CNTN5: variants seen among roughly 807,000 people sequenced by gnomAD.
The protein encoded by CNTN5 is contactin-5.
Under a neutral mutation model 129.1 loss-of-function variants are expected in CNTN5, and 77 were observed. That is an observed-to-expected ratio of 0.60 (90% CI 0.50 to 0.72). CNTN5 has a LOEUF of 0.72. Ranked by LOEUF, CNTN5 falls within the 30% of genes least tolerant of loss-of-function variation. The probability of loss-of-function intolerance (pLI) is 0.00; values close to 1 mark genes in which losing one functional copy is unlikely to be tolerated. For missense variants in CNTN5, 1,478 were observed against 1,328.8 expected, an observed-to-expected ratio of 1.11 and a Z score of -1.75; for synonymous variants, 509 against 465.6, an observed-to-expected ratio of 1.09 and a Z score of -1.20.
chr11:99,594,285 T>G (rs1424203066), intron 3 of CNTN5, among the ~76,000 whole-genome samples: 1 of 152,124 alleles, frequency 6.6e-6, no homozygotes, highest in Non-Finnish European at 1.5e-5. Context: ...GTGGAGTGCT[T>G]TGGTTGGTAG....
At chr11:100,337,697 CAT>C (rs1952063050) in intron 21 of CNTN5, 15 of 558,756 alleles carry the variant, frequency 2.7e-5, no homozygotes, top group South Asian at 2.3e-4. Flanking sequence ...TCCAGCTGTG[CAT>C]ATGTTTAGCC....
At chr11:99,856,100 C>A (rs1948026002) in intron 6 of CNTN5, among the ~76,000 whole-genome samples, 1 of 152,132 alleles carries the variant, frequency 6.6e-6, no homozygotes. Context: ...ACGTGTTGTG[C>A]AGAAGGGCTT....
chr11:100,050,245 A>G (rs2137734394), intron 9 of CNTN5, among the ~76,000 whole-genome samples: 1 of 152,344 alleles, frequency 6.6e-6, no homozygotes, highest in South Asian at 2.1e-4. Flanking sequence ...ACAGTGATAG[A>G]CTGGATTAAG....
chr11:99,634,433 C>T (rs887777818), intron 3 of CNTN5, among the ~76,000 whole-genome samples: 4 of 152,136 alleles, frequency 2.6e-5, no homozygotes, highest in Middle Eastern at 6.8e-3. Flanking sequence ...GGCAAAATTT[C>T]GGGGGAAAGG....
At chr11:100,337,386 G>T in intron 21 of CNTN5, 1 of 786,064 alleles carries the variant, frequency 1.3e-6, no homozygotes. Context: ...CCTCAGCAGA[G>T]AGAGCACCTA....
chr11:100,115,493 A>C (rs919054641), intron 13 of CNTN5, among the ~76,000 whole-genome samples: 1 of 152,070 alleles, frequency 6.6e-6, no homozygotes, highest in African/African-American at 2.4e-5. Flanking sequence ...AGTTGAGTAT[A>C]TATTTGAAGC....
chr11:99,578,457 T>G (rs1949444124), intron 3 of CNTN5, among the ~76,000 whole-genome samples: 1 of 148,462 alleles, frequency 6.7e-6, no homozygotes, highest in South Asian at 2.2e-4. Flanking sequence ...AGTGTAAAAG[T>G]GTTCCTATTT....
intron 2 of CNTN5, among the ~76,000 whole-genome samples, chr11:99,399,469 A>C (rs1227913010): frequency 6.6e-6 from 1 of 151,772 alleles, no homozygotes; most frequent in Non-Finnish European, 1.5e-5. Context: ...TATTAAAATT[A>C]ATTTTTAAAG....
chr11:99,260,518 T>C (rs942074853), intron 1 of CNTN5, among the ~76,000 whole-genome samples: 2 of 151,892 alleles, frequency 1.3e-5, no homozygotes, highest in African/African-American at 4.8e-5. Context: ...CAAAAGGAGA[T>C]TCTTTTATCT....
At chr11:99,754,902 C>A (rs1395007336) in intron 3 of CNTN5, among the ~76,000 whole-genome samples, 1 of 152,146 alleles carries the variant, frequency 6.6e-6, no homozygotes, top group African/African-American at 2.4e-5. Context: ...TAAAAATATT[C>A]TATACTGGAA....
Position 99,971,074 on chromosome 11 carries a change from C to A in CNTN5, c.877+14065C>A, listed in dbSNP as rs1373943335. On this transcript the variant is annotated intron_variant, in intron 8 of 24. Coordinates refer to ENST00000524871, the MANE Select transcript of CNTN5 (RefSeq NM_014361.4). ...CATAGTTTAGATTTTATTCTAAAAG[C>A]TTTTCCTTATGCTTGTCCATATTGA... Among the ~76,000 whole-genome samples the A allele has an allele frequency of 2.6e-5, 4 of 152,154 alleles. No individual in the cohort carries two copies. The East Asian group carries it at 7.7e-4, about 29-fold the overall frequency.
At chr11:100,336,432 C>T (rs573928449) in intron 21 of CNTN5, among the ~76,000 whole-genome samples, 5 of 151,856 alleles carry the variant, frequency 3.3e-5, no homozygotes, top group Non-Finnish European at 2.9e-5. Flanking sequence ...GAAAATATTT[C>T]TATATAAGAG....
At chr11:99,131,513 A>G (rs1858937145) in intron 1 of CNTN5, among the ~76,000 whole-genome samples, 1 of 152,096 alleles carries the variant, frequency 6.6e-6, no homozygotes, top group Admixed American at 6.6e-5. Flanking sequence ...AGTGAGAGTA[A>G]TAAAGAAGAA....
chr11:99,398,806 T>C (rs1027046131), intron 2 of CNTN5, among the ~76,000 whole-genome samples: 1 of 151,914 alleles, frequency 6.6e-6, no homozygotes, highest in East Asian at 1.9e-4. Flanking sequence ...ATAAAGCTAC[T>C]CTAAACAGCT....
chr11:100,042,530 A>C (rs1942440926), intron 9 of CNTN5, among the ~76,000 whole-genome samples: 1 of 152,184 alleles, frequency 6.6e-6, no homozygotes, highest in African/African-American at 2.4e-5. Flanking sequence ...GCAGTTGGGG[A>C]GTACTTTCTT....
At chr11:100,339,742 T>C (rs897244462) in intron 21 of CNTN5, among the ~76,000 whole-genome samples, 2 of 152,186 alleles carry the variant, frequency 1.3e-5, no homozygotes, top group African/African-American at 2.4e-5. Context: ...TGCACTGATA[T>C]GTAGTTAAGT....
chr11:99,936,051 C>T (rs368817101), intron 7 of CNTN5, among the ~76,000 whole-genome samples: 14 of 152,232 alleles, frequency 9.2e-5, no homozygotes, highest in African/African-American at 3.4e-4. Flanking sequence ...GAATCCTATC[C>T]CTTCCATCAA....
intron 23 of CNTN5, among the ~76,000 whole-genome samples, chr11:100,346,134 A>C (rs1952273219): frequency 2.0e-5 from 3 of 152,130 alleles, no homozygotes; most frequent in Admixed American, 1.3e-4. Context: ...CAAAAACTTC[A>C]AATCAAAGTT....
At chr11:100,001,440 T>G (rs1833489) in intron 8 of CNTN5, among the ~76,000 whole-genome samples, 1 of 151,994 alleles carries the variant, frequency 6.6e-6, no homozygotes, top group Non-Finnish European at 1.5e-5. Flanking sequence ...CAAACCATAT[T>G]GGTGCATAAT....
Sources: gnomAD v4.1 joint callset for allele counts (sites outside exome capture counted in the v4.1 genomes callset) on GRCh38, gnomAD v4.1.1 for gene constraint, MANE v1.5 for transcripts, NCBI Gene and HGNC (gene_info 2026-07-23, HGNC 2026-07-21) for gene names.